LRP1: variants seen among roughly 807,000 people sequenced by gnomAD.
The protein encoded by LRP1 is LDL receptor related protein 1, also known as prolow-density lipoprotein receptor-related protein 1.
Under a neutral mutation model 541.5 loss-of-function variants are expected in LRP1, and 51 were observed. That is an observed-to-expected ratio of 0.09 (90% confidence interval 0.08 to 0.12). The LOEUF (loss-of-function observed/expected upper bound fraction) is 0.12, where lower values mean the gene tolerates loss of function less well. LRP1 is among the 10% of genes least tolerant of loss of function. The pLI, the probability that LRP1 is intolerant of heterozygous loss-of-function variation, is 1.00. For synonymous variants in LRP1, 2,219 were observed against 2,470.8 expected, an observed-to-expected ratio of 0.90 and a Z score of 3.02; for missense variants, 3,878 against 6,376.2, an observed-to-expected ratio of 0.61 and a Z score of 13.34.
chr12:57,162,646 G>A lies in LRP1; in HGVS notation c.2404+128G>A, dbSNP rs2035759903. The A allele has an allele frequency of 1.7e-6, 2 of 1,186,558 alleles. No individual in the cohort carries two copies. Among genetic ancestry groups the A allele is most frequent in the African/African-American group, 3.0e-5 (2 of 65,836 alleles). The allele number at this position is 1,186,558 out of a possible 1,614,324, so 73.5% of individuals were successfully genotyped here. On this transcript the variant is annotated intron_variant, in intron 14 of 88. Transcript: ENST00000243077. This position sits in a 1 kb window ranked among gnomAD's most constrained non-coding sequence, Gnocchi z 5.2. The stretch of plus-strand genomic sequence containing the variant: ...CTAGGCTCTGACTTTTGAGGATCCT[G>A]AGAAGAGAACTCCCCCAACACAATC...
At chr12:57,202,007 A>C in intron 67 of LRP1, 102 bp downstream of exon 67, 3 of 1,492,068 alleles carry the variant, frequency 2.0e-6, no homozygotes, top group Non-Finnish European at 2.8e-6. Context: ...TACCGGTCTC[A>C]GCGTGGCCCT....
In LRP1 at chr12:57,185,047, C is replaced by T; in HGVS notation, c.6339-34C>T. ...ATCTCTTCCTTCCCTCCTGCCTCCA[C>T]TGATGCCCTGCTTGTGCCCTGTCCT... On this transcript the variant is annotated intron_variant, in intron 39 of 88. Transcript: ENST00000243077. The surrounding 1 kb of genome is among the most constrained non-coding windows in gnomAD (Gnocchi z 4.9). The T allele has an allele frequency of 6.2e-7, 1 of 1,614,088 alleles. No individual in the cohort carries two copies. Among genetic ancestry groups the T allele is most frequent in the South Asian group, 1.1e-5 (1 of 91,076 alleles).
intron 3 of LRP1, 133 bp from the exon 4 acceptor site, chr12:57,143,546 G>A: frequency 1.8e-6 from 2 of 1,088,248 alleles, no homozygotes; most frequent in South Asian, 1.6e-5. Flanking sequence ...GCTTCCTAAG[G>A]CCCTTCTGTC....
Position 57,210,120 on chromosome 12 carries a change from G to A in LRP1, c.12531G>A (p.Leu4177=). The A allele has an allele frequency of 6.2e-7, 1 of 1,613,260 alleles. No homozygotes were observed. The highest frequency in any genetic ancestry group is 1.1e-5 in the South Asian group (1 of 91,006). The part of the protein sequence containing the change: ...PVCTCPNGKR[L]DNGTCVPVPS... ...GCACCTGTCCCAATGGGAAGCGGCT[G>A]GACAACGGCACATGCGTGCCTGTGC... Residue 4177 remains leucine, a synonymous_variant, in exon 81 of 89, where the codon CTG becomes CTA. Coordinates refer to ENST00000243077, the MANE Select transcript of LRP1 (RefSeq NM_002332.3).
intron 6 of LRP1, among the ~76,000 whole-genome samples, chr12:57,150,549 C>T (rs561411459): frequency 7.9e-4 from 120 of 152,184 alleles, no homozygotes; most frequent in African/African-American, 2.7e-3. Flanking sequence ...CGAGTCTTGA[C>T]GAGTAGTAGG....
chr12:57,195,147 C>T, intron 51 of LRP1, 46 bp downstream of exon 51: 1 of 1,598,314 alleles, frequency 6.3e-7, no homozygotes, highest in African/African-American at 1.3e-5. Context: ...CAGGGAGGGA[C>T]AGACCCCACC....
At chr12:57,203,830 C>T (rs1368580887) in intron 70 of LRP1, 1 of 354,190 alleles carries the variant, frequency 2.8e-6, no homozygotes, top group Non-Finnish European at 5.1e-6. Flanking sequence ...CCCCACAAGT[C>T]CCTCCGAGAC....
At chr12:57,210,001 A>G in intron 80 of LRP1, 28 bp from the exon 81 acceptor site, 1 of 1,590,076 alleles carries the variant, frequency 6.3e-7, no homozygotes, top group Non-Finnish European at 8.6e-7. Context: ...CCTGCTCAGC[A>G]TCCTCCCCAC....
intron 6 of LRP1, among the ~76,000 whole-genome samples, chr12:57,152,970 G>A (rs1459175867): frequency 6.6e-6 from 1 of 152,146 alleles, no homozygotes; most frequent in Non-Finnish European, 1.5e-5. Context: ...AATTAGGGAG[G>A]GGTCAAGCAG....
Position 57,204,574 on chromosome 12 carries a change from C to A in LRP1, c.11071+45C>A. The A allele has an allele frequency of 1.2e-6, 2 of 1,608,328 alleles. No individual in the cohort carries two copies. The highest frequency in any genetic ancestry group is 1.7e-6 in the Non-Finnish European group (2 of 1,175,688). ...TCCCAGGCTTCCCAGTGGCCAGCAACCACCCCCACTCCCAAGACTAATTCT... is the reference window on the plus strand; with the variant it reads ...TCCCAGGCTTCCCAGTGGCCAGCAAACACCCCCACTCCCAAGACTAATTCT... On this transcript the variant is annotated intron_variant, in intron 71 of 88. Transcript: ENST00000243077. This position sits in a 1 kb window ranked among gnomAD's most constrained non-coding sequence, Gnocchi z 5.3.
rs777824091 is a variant in LRP1, at chr12:57,201,126, G to A, written c.10318G>A (p.Gly3440Arg). The change falls in exon 65 of 89, where the codon GGA becomes AGA. Residue 3440 changes from glycine (G) to arginine (R), a missense_variant. Around this residue, in one of 13 missense-constraint regions of LRP1, gnomAD observed 278 missense variants for 536.3 expected, o/e 0.52. Transcript: ENST00000243077. The surrounding 1 kb of genome is among the most constrained non-coding windows in gnomAD (Gnocchi z 6.4). ...IFRCNGQDNC[G>R]DGEDERDCPE... ...CCGCTGCAATGGGCAGGACAACTGC[G>A]GAGATGGGGAGGATGAGAGGGACTG... The A allele has an allele frequency of 1.5e-5, 25 of 1,613,998 alleles. No individual in the cohort carries two copies. Among genetic ancestry groups the A allele is most frequent in the Middle Eastern group, 1.6e-4 (1 of 6,082 alleles).
At chr12:57,176,442 G>A (rs34740242) in intron 24 of LRP1, among the ~76,000 whole-genome samples, 1,828 of 152,328 alleles carry the variant, frequency 0.012, 39 homozygotes, top group African/African-American at 0.041. Flanking sequence ...GCAGCGTGGT[G>A]CACCCCAGAC....
rs1308588136 is a variant in LRP1 at position 57,189,781 on chromosome 12, G to T, written c.7032-1024G>T. 6.6e-6 allele frequency among the ~76,000 whole-genome samples: 1 copy of T among 152,102 alleles called. No homozygotes were observed. The highest frequency in any genetic ancestry group is 2.4e-5 in the African/African-American group (1 of 41,408). On this transcript the variant is annotated intron_variant, in intron 42 of 88. Transcript: ENST00000243077. The surrounding 1 kb of genome is among the most constrained non-coding windows in gnomAD (Gnocchi z 4.4). ...ACGGAGCTGGCTTTTGTGTGGCTTG[G>T]TGGTCTCAGACTCCACTGTGCCTAA...
chr12:57,176,696 T>C (rs1233661030), intron 24 of LRP1, among the ~76,000 whole-genome samples: 1 of 152,166 alleles, frequency 6.6e-6, no homozygotes, highest in Non-Finnish European at 1.5e-5. Flanking sequence ...CTAAGTAAAC[T>C]GTGATGATAT....
intron 1 of LRP1, among the ~76,000 whole-genome samples, chr12:57,137,476 G>A (rs1190344163): frequency 6.6e-6 from 1 of 152,066 alleles, no homozygotes; most frequent in African/African-American, 2.4e-5. Context: ...AAAATCTTTA[G>A]GTGCTTCTTA....
At chr12:57,151,817 G>A (rs985050912) in intron 6 of LRP1, among the ~76,000 whole-genome samples, 4 of 152,160 alleles carry the variant, frequency 2.6e-5, no homozygotes, top group Admixed American at 6.5e-5. Context: ...GCGTATGTGC[G>A]TGTGTGTGTG....
At position 57,198,249 on chromosome 12, in the gene LRP1, A is replaced by G. The variant is rs1459617031; in HGVS notation, c.9376A>G (p.Ile3126Val). 5 of 1,613,724 alleles carry G rather than the reference A, an allele frequency of 3.1e-6. No homozygotes were observed. The highest frequency in any genetic ancestry group is 4.5e-5 in the East Asian group (2 of 44,880). The change falls in exon 59 of 89, where the codon ATC becomes GTC. Residue 3126 changes from isoleucine (I) to valine (V), a missense_variant. Ile to Val is a conservative substitution (Grantham distance 29, BLOSUM62 3). This residue lies in a region of LRP1 where 1,100 missense variants were observed against 1,827.4 expected (regional missense o/e 0.60). Transcript: ENST00000243077. ...LYWCDKGRDT[I>V]EVSKLNGAYR... is the part of the protein sequence containing the mutation. ...CTGGTGCGACAAAGGCCGGGACACC[A>G]TCGAGGTGTCCAAGCTCAATGGGGC...
Position 57,210,885 on chromosome 12 carries a change from T to C in LRP1, c.12916+6T>C. ...GGGCGACCGCTGCCAGTACCGTGAG[T>C]GAGCCATCCCTGGGCCCCAGGGCAT... On this transcript the variant is annotated splice_donor_region_variant and intron_variant, in intron 83 of 88. Transcript: ENST00000243077. 6.2e-7 allele frequency: 1 copy of C among 1,607,224 alleles called. No individual in the cohort carries two copies. Among genetic ancestry groups the C allele is most frequent in the Non-Finnish European group, 8.5e-7 (1 of 1,175,574 alleles).
intron 1 of LRP1, among the ~76,000 whole-genome samples, chr12:57,136,848 A>G (rs1472188043): frequency 6.6e-6 from 1 of 152,236 alleles, no homozygotes; most frequent in African/African-American, 2.4e-5. Flanking sequence ...TGGTGGTATT[A>G]GTTGTCCCTA....
Sources: gnomAD v4.1 joint callset for allele counts (sites outside exome capture counted in the v4.1 genomes callset) on GRCh38, gnomAD v4.1.1 for gene constraint, gnomAD v4.1.1 regional missense constraint, Gnocchi (gnomAD v3.1) non-coding constraint, MANE v1.5 for transcripts, NCBI Gene and HGNC (gene_info 2026-07-23, HGNC 2026-07-21) for gene names.